UNC5D: variants seen among roughly 807,000 people sequenced by gnomAD.
The protein encoded by UNC5D is unc-5 netrin receptor D.
UNC5D carries 39 observed loss-of-function variants against 105.4 expected under a neutral mutation model. The ratio of observed to expected loss-of-function variants is 0.37; its 90% CI spans 0.29 to 0.48. The LOEUF (loss-of-function observed/expected upper bound fraction) is 0.48. Among genes scored for constraint, UNC5D ranks in the 20% least tolerant of loss-of-function variants. The pLI is 0.98. For synonymous variants in UNC5D, 452 were observed against 450.4 expected, an observed-to-expected ratio of 1.00 and a Z score of -0.04; for missense variants, 991 against 1,202.4, an observed-to-expected ratio of 0.82 and a Z score of 2.60.
At chr8:35,433,764 G>T (rs541531955) in intron 1 of UNC5D, among the ~76,000 whole-genome samples, 2 of 150,992 alleles carry the variant, frequency 1.3e-5, no homozygotes, top group Admixed American at 6.6e-5. Flanking sequence ...CAGGAGAATT[G>T]CTTGAACCTG....
chr8:35,593,168 G>GA (rs35132267), intron 3 of UNC5D, among the ~76,000 whole-genome samples: 7 of 151,486 alleles, frequency 4.6e-5, no homozygotes, highest in African/African-American at 1.7e-4. Flanking sequence ...GGAATGGGGA[G>GA]AAAAAAAATG....
At chr8:35,450,285 C>T (rs944268348) in intron 1 of UNC5D, among the ~76,000 whole-genome samples, 2 of 152,140 alleles carry the variant, frequency 1.3e-5, no homozygotes, top group Non-Finnish European at 2.9e-5. Context: ...CCATGGCTCA[C>T]GTGTCCTGTC....
At chr8:35,584,075 A>G (rs981455057) in intron 3 of UNC5D, among the ~76,000 whole-genome samples, 2 of 152,160 alleles carry the variant, frequency 1.3e-5, no homozygotes, top group African/African-American at 4.8e-5. Context: ...ACTCAGTATG[A>G]TAGATACACT....
chr8:35,448,871 T>A (rs1807966734), intron 1 of UNC5D, among the ~76,000 whole-genome samples: 1 of 152,144 alleles, frequency 6.6e-6, no homozygotes, highest in Admixed American at 6.6e-5. Flanking sequence ...GTATTTGACT[T>A]TGTTTTTTAA....
chr8:35,730,954 C>T (rs1406802251), intron 10 of UNC5D, 58 bp from the exon 11 acceptor site: 2 of 1,545,208 alleles, frequency 1.3e-6, no homozygotes, highest in Admixed American at 3.4e-5. Flanking sequence ...GCTCGAGTGA[C>T]AAACTTCATG....
chr8:35,741,304 A>G (rs1829746557), intron 11 of UNC5D, among the ~76,000 whole-genome samples: 1 of 152,126 alleles, frequency 6.6e-6, no homozygotes, highest in Admixed American at 6.5e-5. Context: ...TACTCATTCC[A>G]GTGTGTATAT....
chr8:35,333,692 C>T (rs186581390), intron 1 of UNC5D, among the ~76,000 whole-genome samples: 2 of 152,050 alleles, frequency 1.3e-5, no homozygotes, highest in Non-Finnish European at 2.9e-5. Flanking sequence ...GTTGGCCAGG[C>T]TGGTCTCGAA....
intron 3 of UNC5D, among the ~76,000 whole-genome samples, chr8:35,574,829 T>G (rs964260772): frequency 6.6e-6 from 1 of 152,090 alleles, no homozygotes; most frequent in Non-Finnish European, 1.5e-5. Context: ...ATGCTTAGAG[T>G]CTAGGATGTG....
At chr8:35,578,442 G>A (rs1818251293) in intron 3 of UNC5D, among the ~76,000 whole-genome samples, 1 of 152,066 alleles carries the variant, frequency 6.6e-6, no homozygotes, top group Non-Finnish European at 1.5e-5. Context: ...GGTGCTCCAG[G>A]AATATAGGAA....
intron 3 of UNC5D, among the ~76,000 whole-genome samples, chr8:35,584,684 G>A (rs955006984): frequency 1.3e-5 from 2 of 151,848 alleles, no homozygotes; most frequent in Non-Finnish European, 2.9e-5. Flanking sequence ...CTCCTGGCCT[G>A]AAGAGATCCT....
chr8:35,544,906 C>T (rs568010473), intron 1 of UNC5D, among the ~76,000 whole-genome samples: 93 of 152,210 alleles, frequency 6.1e-4, no homozygotes, highest in Non-Finnish European at 1.0e-3. Flanking sequence ...CCTGGTCACA[C>T]CTATTCTTTA....
At chr8:35,337,206 G>T (rs1447431035) in intron 1 of UNC5D, among the ~76,000 whole-genome samples, 1 of 152,034 alleles carries the variant, frequency 6.6e-6, no homozygotes, top group African/African-American at 2.4e-5. Flanking sequence ...CGATATATTT[G>T]TGTCCCTCCC....
chr8:35,433,092 G>A (rs994758442), intron 1 of UNC5D, among the ~76,000 whole-genome samples: 8 of 152,112 alleles, frequency 5.3e-5, no homozygotes, highest in Admixed American at 2.6e-4. Context: ...TCTGATGTTC[G>A]ATGTGAAAGC....
At chr8:35,553,177 T>G (rs1043906861) in intron 2 of UNC5D, among the ~76,000 whole-genome samples, 1 of 152,202 alleles carries the variant, frequency 6.6e-6, no homozygotes, top group Admixed American at 6.5e-5. Context: ...TAAAGACCTC[T>G]TGAAGTATTG....
chr8:35,769,917 C>T (rs1801936900), intron 15 of UNC5D, among the ~76,000 whole-genome samples: 1 of 152,080 alleles, frequency 6.6e-6, no homozygotes, highest in African/African-American at 2.4e-5. Flanking sequence ...GAGATGAGAT[C>T]ACACCACTGC....
At chr8:35,536,802 C>A (rs956972536) in intron 1 of UNC5D, among the ~76,000 whole-genome samples, 2 of 152,106 alleles carry the variant, frequency 1.3e-5, no homozygotes, top group Non-Finnish European at 2.9e-5. Context: ...TTGAGACCAG[C>A]CTGGCCAATA....
chr8:35,728,047 G>A (rs1001231815), intron 10 of UNC5D, among the ~76,000 whole-genome samples: 3 of 128,080 alleles, frequency 2.3e-5, no homozygotes, highest in African/African-American at 1.0e-4. Flanking sequence ...GACCAGCGAG[G>A]GCAACATAGC....
At chr8:35,246,191 G>A (rs1366719615) in intron 1 of UNC5D, among the ~76,000 whole-genome samples, 2 of 152,034 alleles carry the variant, frequency 1.3e-5, no homozygotes, top group Non-Finnish European at 2.9e-5. Flanking sequence ...CTGAACTTCC[G>A]TGATGCCGCC....
chr8:35,483,440 C>G (rs1810627023), intron 1 of UNC5D, among the ~76,000 whole-genome samples: 1 of 152,120 alleles, frequency 6.6e-6, no homozygotes, highest in East Asian at 1.9e-4. Context: ...TGAGAGAGAT[C>G]AGTCATGTTC....
Sources: allele counts gnomAD v4.1 joint callset (sites outside exome capture counted in the v4.1 genomes callset), GRCh38; gene constraint gnomAD v4.1.1; transcripts MANE v1.5; gene names NCBI Gene and HGNC (gene_info 2026-07-23, HGNC 2026-07-21).